Variants in FUT8 observed in about 807,000 individuals in gnomAD.
FUT8 encodes fucosyltransferase 8.
FUT8 carries 29 observed loss-of-function variants against 71.3 expected under a neutral mutation model. That is an observed-to-expected ratio of 0.41 (90% CI 0.30 to 0.55). The LOEUF (loss-of-function observed/expected upper bound fraction) is 0.55. Among genes scored for constraint, FUT8 ranks in the 20% least tolerant of loss-of-function variants. The pLI, the probability that FUT8 is intolerant of heterozygous loss-of-function variation, is 0.34. For missense variants in FUT8, 544 were observed against 702.1 expected (o/e 0.77, Z 2.55); for synonymous variants, 254 against 239.3 (o/e 1.06, Z -0.57).
chr14:65,462,681 G>A (rs779655659), intron 2 of FUT8, among the ~76,000 whole-genome samples: 1 of 152,180 alleles, frequency 6.6e-6, no homozygotes, highest in Non-Finnish European at 1.5e-5. Flanking sequence ...TTGAAAGTAT[G>A]TAATAATTAC....
intron 2 of FUT8, chr14:65,516,389 G>A (rs1188350328): frequency 6.6e-6 from 1 of 152,074 alleles, no homozygotes; most frequent in East Asian, 1.9e-4. Context: ...GAAAATGGAG[G>A]TGAATTTATG....
intron 7 of FUT8, among the ~76,000 whole-genome samples, chr14:65,703,728 G>A (rs1235665242): frequency 6.6e-6 from 1 of 152,198 alleles, no homozygotes; most frequent in East Asian, 1.9e-4. Flanking sequence ...TGATGGTAGG[G>A]TGACCGTTGA....
At chr14:65,432,403 T>C (rs1474405232) in intron 1 of FUT8, among the ~76,000 whole-genome samples, 1 of 151,508 alleles carries the variant, frequency 6.6e-6, no homozygotes, top group African/African-American at 2.4e-5. Context: ...CTTTTTTTTT[T>C]TTTTAAATTA....
intron 7 of FUT8, among the ~76,000 whole-genome samples, chr14:65,700,323 A>G (rs1218402994): frequency 2.0e-5 from 3 of 148,988 alleles, no homozygotes; most frequent in Admixed American, 2.0e-4. Context: ...AGAATTTTAC[A>G]TATTGTATAA....
chr14:65,743,018 A>G lies in FUT8; in HGVS notation c.*608A>G, dbSNP rs1299097570. 6.6e-6 allele frequency: 1 copy of G among 151,996 alleles called. No individual in the cohort carries two copies. Among genetic ancestry groups the G allele is most frequent in the Admixed American group, 6.6e-5 (1 of 15,188 alleles). The allele number at this position is 151,996 out of a possible 1,614,324, so 9.4% of individuals were successfully genotyped here. A position where few individuals can be genotyped will look rare whatever the true frequency, so the allele number is the denominator to read the frequency against. On this transcript the variant is annotated 3_prime_UTR_variant, in exon 11 of 11. Coordinates refer to ENST00000673929, the MANE Select transcript of FUT8 (RefSeq NM_001371533.1). ...CTCATCATTAATAAGTGAAGAATAC[A>G]TCAGAAAATAAAATATTCACTCTCC...
intron 2 of FUT8, among the ~76,000 whole-genome samples, chr14:65,533,854 G>A (rs549657001): frequency 1.4e-4 from 22 of 152,140 alleles, no homozygotes; most frequent in African/African-American, 4.3e-4. Flanking sequence ...GACTTTTGCC[G>A]AAAGTCTTTT....
chr14:65,393,866 C>A, the FUT8 span, among the ~76,000 whole-genome samples: 1 of 152,066 alleles, frequency 6.6e-6, no homozygotes, highest in African/African-American at 2.4e-5. Context: ...GCTGGGGAGG[C>A]CTTACAATCA....
At chr14:65,678,918 T>A (rs1056266718) in intron 7 of FUT8, among the ~76,000 whole-genome samples, 1 of 152,182 alleles carries the variant, frequency 6.6e-6, no homozygotes, top group Admixed American at 6.6e-5. Context: ...CAGCAGAGAT[T>A]ATGTAAGCAA....
rs141409849 is a variant in FUT8, at chr14:65,533,960, A to C, written c.-227-27377A>C. On this transcript the variant is annotated intron_variant, in intron 2 of 10. Transcript: ENST00000673929. ...TTTGCATAAGTTGAACCAACCTTGC[A>C]TCCCAGGGATAAGCCCTACTTGATC... Among the ~76,000 whole-genome samples the C allele has an allele frequency of 5.7e-3, 870 of 152,344 alleles. 4 individuals are homozygous for C. Among genetic ancestry groups the C allele is most frequent in the Non-Finnish European group, 9.7e-3 (661 of 68,036 alleles).
At chr14:65,585,931 A>G (rs2140126434) in intron 3 of FUT8, among the ~76,000 whole-genome samples, 1 of 152,292 alleles carries the variant, frequency 6.6e-6, no homozygotes, top group South Asian at 2.1e-4. Flanking sequence ...AAATATTGAG[A>G]CTGAAGAAAG....
intron 2 of FUT8, among the ~76,000 whole-genome samples, chr14:65,508,026 G>A (rs1237234647): frequency 6.8e-6 from 1 of 148,050 alleles, no homozygotes; most frequent in African/African-American, 2.5e-5. Flanking sequence ...TCTCATTGTA[G>A]TTTTGATTTG....
intron 6 of FUT8, among the ~76,000 whole-genome samples, chr14:65,656,001 C>T (rs903580937): frequency 1.7e-4 from 16 of 92,010 alleles, no homozygotes; most frequent in African/African-American, 5.2e-4. Context: ...ATAACTAGTA[C>T]CATAATGGGG....
At chr14:65,463,989 C>G (rs1024501987) in intron 2 of FUT8, among the ~76,000 whole-genome samples, 2 of 152,234 alleles carry the variant, frequency 1.3e-5, no homozygotes, top group African/African-American at 2.4e-5. Flanking sequence ...CCAGCCACCC[C>G]TGCAGCCCCA....
chr14:65,378,218 C>CGTATAGGTAGGGT, the FUT8 span, among the ~76,000 whole-genome samples: 79 of 152,196 alleles, frequency 5.2e-4, no homozygotes, highest in East Asian at 9.4e-3. Context: ...AGGAGTCACC[C>CGTATAGGTAGGGT]TACCAAGTGG....
intron 7 of FUT8, among the ~76,000 whole-genome samples, chr14:65,715,581 T>C (rs909046611): frequency 2.0e-5 from 3 of 152,248 alleles, no homozygotes; most frequent in Non-Finnish European, 4.4e-5. Flanking sequence ...ACTTTTTTGA[T>C]GTAGACACTT....
chr14:65,518,724 G>A (rs1882876460), intron 2 of FUT8, among the ~76,000 whole-genome samples: 1 of 151,800 alleles, frequency 6.6e-6, no homozygotes, highest in Admixed American at 6.6e-5. Flanking sequence ...ATGGTGTTTC[G>A]CCATGGGCCT....
At chr14:65,474,441 G>GAAAAAAAAAAAAAAAAAACAAAA (rs398025445) in intron 2 of FUT8, among the ~76,000 whole-genome samples, 1 of 39,698 alleles carries the variant, frequency 2.5e-5, no homozygotes, top group African/African-American at 1.0e-4. Flanking sequence ...TGTCTCTACT[G>GAAAAAAAAAAAAAAAAAACAAAA]AAAAAAAAAA....
rs552685335 is a variant in FUT8, at chr14:65,692,614, C to G, written c.835+23134C>G. Among the ~76,000 whole-genome samples, 1,406 of 151,254 alleles carry G rather than the reference C, an allele frequency of 9.3e-3. 22 individuals are homozygous for G. Among genetic ancestry groups the G allele is most frequent in the African/African-American group, 0.033 (1,349 of 41,186 alleles). Reference sequence around the variant, plus strand: ...GGCTGGCTGGGCGGGGGGCTGACCCCCACCCCCCTCCCAGACGGGGTGGCT... The same window carrying G: ...GGCTGGCTGGGCGGGGGGCTGACCCGCACCCCCCTCCCAGACGGGGTGGCT... On this transcript the variant is annotated intron_variant, in intron 7 of 10. Coordinates refer to ENST00000673929, the MANE Select transcript of FUT8 (RefSeq NM_001371533.1).
At chr14:65,548,503 C>A (rs1885102376) in intron 2 of FUT8, among the ~76,000 whole-genome samples, 1 of 150,242 alleles carries the variant, frequency 6.7e-6, no homozygotes, top group Admixed American at 6.6e-5. Context: ...TTTTTTTTTG[C>A]AGTTTTTTGT....
Sources: gnomAD v4.1 joint callset for allele counts (sites outside exome capture counted in the v4.1 genomes callset) on GRCh38, gnomAD v4.1.1 for gene constraint, MANE v1.5 for transcripts, NCBI Gene and HGNC (gene_info 2026-07-23, HGNC 2026-07-21) for gene names.